Variants in RAPGEF1 observed in about 807,000 individuals in gnomAD.
RAPGEF1 encodes the protein CRK SH3-binding GNRP.
A neutral mutation model predicts 143.3 loss-of-function variants in RAPGEF1; 33 were observed. The observed-to-expected ratio is 0.23, with a 90% confidence interval of 0.17 to 0.31. RAPGEF1 has a LOEUF of 0.31. Ranked by LOEUF, RAPGEF1 falls within the 10% of genes least tolerant of loss-of-function variation. RAPGEF1 has a pLI of 1.00. For synonymous variants in RAPGEF1, 629 were observed against 676.5 expected, an observed-to-expected ratio of 0.93 and a Z score of 1.09; for missense variants, 1,199 against 1,645.4, an observed-to-expected ratio of 0.73 and a Z score of 4.69.
intron 1 of RAPGEF1, among the ~76,000 whole-genome samples, chr9:131,716,283 T>C (rs1332049804): frequency 6.6e-6 from 1 of 152,220 alleles, no homozygotes; most frequent in Non-Finnish European, 1.5e-5. Context: ...TCAAGAAGCT[T>C]CATGGATGAG....
intron 1 of RAPGEF1, among the ~76,000 whole-genome samples, chr9:131,700,109 C>A (rs1834518849): frequency 1.3e-5 from 2 of 152,124 alleles, no homozygotes; most frequent in South Asian, 4.1e-4. Flanking sequence ...CTGGGGTCGT[C>A]CTAGACTACT....
chr9:131,584,683 C>T lies in RAPGEF1; in HGVS notation c.3234-87G>A, dbSNP rs1952427645. The stretch of plus-strand genomic sequence containing the variant: ...CCTGGTGGAGACAGGACCTGTACGA[C>T]CCCCATGCCAGTGGCCACGAGCCCA... On this transcript the variant is annotated intron_variant, in intron 22 of 26. Transcript: ENST00000683357. This position sits in a 1 kb window ranked among gnomAD's most constrained non-coding sequence, Gnocchi z 6.8. 2 of 1,367,832 alleles carry T rather than the reference C, an allele frequency of 1.5e-6. No individual in the cohort carries two copies. Among genetic ancestry groups the T allele is most frequent in the East Asian group, 2.3e-5 (1 of 43,414 alleles). The allele number at this position is 1,367,832 out of a possible 1,614,324, so 84.7% of individuals were successfully genotyped here.
chr9:131,708,238 T>C (rs1287477230), intron 1 of RAPGEF1, among the ~76,000 whole-genome samples: 1 of 152,196 alleles, frequency 6.6e-6, no homozygotes, highest in African/African-American at 2.4e-5. Flanking sequence ...TATGCAGTTG[T>C]GAAAAAACTG....
chr9:131,632,952 C>T (rs964414159), intron 5 of RAPGEF1, among the ~76,000 whole-genome samples: 1 of 152,202 alleles, frequency 6.6e-6, no homozygotes, highest in African/African-American at 2.4e-5. Flanking sequence ...AAGTGATCCT[C>T]CTACTTTGGC....
intron 1 of RAPGEF1, among the ~76,000 whole-genome samples, chr9:131,733,991 G>A (rs1837259072): frequency 6.6e-6 from 1 of 152,156 alleles, no homozygotes; most frequent in Non-Finnish European, 1.5e-5. Flanking sequence ...ACACTTAGCT[G>A]GCATTAGTGC....
At chr9:131,698,715 C>G in intron 1 of RAPGEF1, among the ~76,000 whole-genome samples, 1 of 152,202 alleles carries the variant, frequency 6.6e-6, no homozygotes, top group Non-Finnish European at 1.5e-5. Context: ...GGCCTCAGGG[C>G]TGCCCCCCTT....
In RAPGEF1 at chr9:131,603,687, C is replaced by T. The variant is rs544774399; in HGVS notation, c.2412+274G>A. 4.6e-5 allele frequency among the ~76,000 whole-genome samples: 7 copies of T among 152,306 alleles called. No individual in the cohort carries two copies. In the South Asian group the frequency reaches 1.5e-3, roughly 32 times the overall value. ...ATACACAGCCGGGGCCCGTGCCACG[C>T]TGGTCCCAGAGATTTCTAGATGACC... On this transcript the variant is annotated intron_variant, in intron 14 of 26. Transcript: ENST00000683357.
chr9:131,630,472 T>C (rs1964549038), intron 5 of RAPGEF1, 148 bp from the exon 6 acceptor site: 1 of 715,108 alleles, frequency 1.4e-6, no homozygotes, highest in African/African-American at 1.8e-5. Flanking sequence ...AAGTATCACT[T>C]GCCTTAGGTA....
At chr9:131,683,452 C>A (rs1833082480) in intron 1 of RAPGEF1, among the ~76,000 whole-genome samples, 1 of 152,210 alleles carries the variant, frequency 6.6e-6, no homozygotes, top group East Asian at 1.9e-4. Context: ...TAAGAGCCAT[C>A]AATTCAGTTA....
At chr9:131,717,060 C>A (rs1193562457) in intron 1 of RAPGEF1, among the ~76,000 whole-genome samples, 2 of 152,166 alleles carry the variant, frequency 1.3e-5, no homozygotes, top group African/African-American at 4.8e-5. Context: ...AGCCTCGGGT[C>A]CCACAGCCTC....
intron 1 of RAPGEF1, among the ~76,000 whole-genome samples, chr9:131,723,332 TACC>T (rs1341498203): frequency 6.6e-6 from 1 of 152,240 alleles, no homozygotes; most frequent in Non-Finnish European, 1.5e-5. Flanking sequence ...TACCACTTAT[TACC>T]ACTTCAGTGG....
chr9:131,586,858 A>C (rs1953060791), intron 22 of RAPGEF1, among the ~76,000 whole-genome samples: 1 of 116,266 alleles, frequency 8.6e-6, no homozygotes, highest in Non-Finnish European at 1.7e-5. Context: ...ACACACACAC[A>C]CACACACCTG....
chr9:131,588,675 GA>G, intron 20 of RAPGEF1, 125 bp downstream of exon 20: 1 of 1,009,842 alleles, frequency 9.9e-7, no homozygotes, highest in East Asian at 2.6e-5. Context: ...GGCTGTTCCT[GA>G]GGCACCTCAT....
At position 131,596,323 on chromosome 9, in the gene RAPGEF1, G is replaced by T. The variant is rs745593558; in HGVS notation, c.2664C>A (p.Val888=). Residue 888 remains valine, a synonymous_variant, in exon 17 of 27, where the codon GTC becomes GTA. Coordinates refer to ENST00000683357, the MANE Select transcript of RAPGEF1 (RefSeq NM_001377935.1). ...CTTTCCTGTCAGTCTCAGTAGCATG[G>T]ACCAGTAAGATGTCCCCAGATCCTC... The part of the protein sequence containing the change: ...VRGGSGDILL[V]HATETDRKDL... 7 of 1,613,874 alleles carry T rather than the reference G, an allele frequency of 4.3e-6. No individual in the cohort carries two copies. The highest frequency in any genetic ancestry group is 5.9e-6 in the Non-Finnish European group (7 of 1,179,896).
In RAPGEF1 at chr9:131,584,430, G is replaced by C; in HGVS notation, c.3313-18C>G. On this transcript the variant is annotated intron_variant, in intron 23 of 26. Coordinates refer to ENST00000683357, the MANE Select transcript of RAPGEF1 (RefSeq NM_001377935.1). The surrounding 1 kb of genome is among the most constrained non-coding windows in gnomAD (Gnocchi z 6.8). ...CGCAAGTGCTGCCGAGAGAGGGGCG[G>C]TGCCGTGAGGCAGGAGGGCAGGCGG... 6.2e-7 allele frequency: 1 copy of C among 1,613,504 alleles called. No individual in the cohort carries two copies. The highest frequency in any genetic ancestry group is 2.2e-5 in the East Asian group (1 of 44,856).
intron 1 of RAPGEF1, among the ~76,000 whole-genome samples, 164 bp downstream of exon 1, chr9:131,739,606 C>A (rs1837625703): frequency 6.8e-6 from 1 of 147,976 alleles, no homozygotes. Context: ...GGCAATGGGC[C>A]TGGAGGAGAA....
chr9:131,658,903 T>G (rs148591747), intron 1 of RAPGEF1, among the ~76,000 whole-genome samples: 1 of 152,232 alleles, frequency 6.6e-6, no homozygotes, highest in Admixed American at 6.5e-5. Flanking sequence ...TAGCAGCAGC[T>G]GGGTTCCCAA....
At chr9:131,711,061 T>G (rs1835471177) in intron 1 of RAPGEF1, among the ~76,000 whole-genome samples, 1 of 151,958 alleles carries the variant, frequency 6.6e-6, no homozygotes, top group African/African-American at 2.4e-5. Context: ...ACTTTTTTTT[T>G]TTTTTTGGAG....
intron 12 of RAPGEF1, among the ~76,000 whole-genome samples, chr9:131,610,187 T>A (rs1441299981): frequency 6.6e-6 from 1 of 152,208 alleles, no homozygotes; most frequent in African/African-American, 2.4e-5. Flanking sequence ...TGAGCCATCG[T>A]GCCCAGCAGG....
Sources: allele counts gnomAD v4.1 joint callset (sites outside exome capture counted in the v4.1 genomes callset), GRCh38; gene constraint gnomAD v4.1.1; non-coding constraint Gnocchi (gnomAD v3.1); transcripts MANE v1.5; gene names NCBI Gene and HGNC (gene_info 2026-07-23, HGNC 2026-07-21).